Variants in LRRFIP1 observed in about 807,000 individuals in gnomAD.
The protein encoded by LRRFIP1 is leucine-rich repeat flightless-interacting protein 1.
In LRRFIP1, 62 loss-of-function variants were observed where a neutral mutation model predicts 104.4. The observed-to-expected ratio is 0.59, with a 90% confidence interval of 0.48 to 0.73. The LOEUF (loss-of-function observed/expected upper bound fraction) is 0.73, where lower values mean the gene tolerates loss of function less well. Among genes scored for constraint, LRRFIP1 ranks in the 30% least tolerant of loss-of-function variants. The pLI is 0.00. For synonymous variants in LRRFIP1, 300 were observed against 299.0 expected (o/e 1.00, Z -0.03); for missense variants, 796 against 824.5 (o/e 0.97, Z 0.42).
chr2:237,704,206 G>A (rs2093691144), intron 1 of LRRFIP1, among the ~76,000 whole-genome samples: 2 of 148,148 alleles, frequency 1.3e-5, no homozygotes, highest in South Asian at 2.1e-4. Flanking sequence ...AGGCTGGAGT[G>A]CAGTGGTGCA....
intron 11 of LRRFIP1, among the ~76,000 whole-genome samples, chr2:237,743,628 C>G (rs899934713): frequency 2.0e-5 from 3 of 152,216 alleles, no homozygotes; most frequent in African/African-American, 7.2e-5. Context: ...TTATTGAGCA[C>G]CTAGAATGTT....
At chr2:237,763,381 C>A (rs2060058955) in intron 19 of LRRFIP1, 2 of 1,613,882 alleles carry the variant, frequency 1.2e-6, no homozygotes, top group African/African-American at 1.3e-5. Flanking sequence ...AAAAGAGTGA[C>A]CAACAGGGAG....
rs551463123 is a variant in LRRFIP1, at chr2:237,753,410, A to G, written c.969A>G (p.Leu323=). ...ACTTCATGTACCAGGTTGATACCCT[A>G]AAAGATATGTTGCTGGAGCTTGAAG... ...KTNFMYQVDT[L]KDMLLELEEQ... Residue 323 remains leucine, a synonymous_variant, in exon 15 of 24, where the codon CTA becomes CTG. Transcript: ENST00000308482. 2.1e-4 allele frequency: 340 copies of G among 1,604,960 alleles called. 1 individual carries two copies. In the South Asian group the frequency reaches 3.6e-3, roughly 17 times the overall value.
intron 1 of LRRFIP1, among the ~76,000 whole-genome samples, chr2:237,636,343 CTTTCT>C (rs2083108692): frequency 1.4e-5 from 2 of 140,292 alleles, no homozygotes; most frequent in African/African-American, 5.5e-5. Flanking sequence ...TTTCATTTTC[CTTTCT>C]TTTCTTTTTT....
intron 8 of LRRFIP1, among the ~76,000 whole-genome samples, chr2:237,729,254 C>G (rs1308047956): frequency 6.6e-6 from 1 of 152,184 alleles, no homozygotes; most frequent in Non-Finnish European, 1.5e-5. Flanking sequence ...AATGTATACT[C>G]AAGACACGTA....
chr2:237,748,337 T>C (rs769560364), intron 11 of LRRFIP1, 27 bp from the exon 12 acceptor site: 1 of 1,533,652 alleles, frequency 6.5e-7, no homozygotes, highest in South Asian at 1.1e-5. Context: ...TTAAAGTATT[T>C]AATATTTTGT....
intron 1 of LRRFIP1, among the ~76,000 whole-genome samples, chr2:237,633,582 T>G (rs1212128580): frequency 2.0e-5 from 3 of 152,098 alleles, no homozygotes; most frequent in Admixed American, 1.3e-4. Flanking sequence ...CCGTCCCCAG[T>G]GAGTGTGAGA....
At chr2:237,767,134 C>G (rs2060295021) in intron 19 of LRRFIP1, among the ~76,000 whole-genome samples, 1 of 152,046 alleles carries the variant, frequency 6.6e-6, no homozygotes. Context: ...TGTGCTCACA[C>G]CACTGCATTC....
chr2:237,668,249 A>G (rs997801504), intron 1 of LRRFIP1, among the ~76,000 whole-genome samples: 2 of 151,860 alleles, frequency 1.3e-5, no homozygotes, highest in African/African-American at 4.8e-5. Flanking sequence ...GATTGGCCCC[A>G]CCACACCTGC....
At chr2:237,673,872 G>A (rs930328751) in intron 1 of LRRFIP1, among the ~76,000 whole-genome samples, 12 of 152,218 alleles carry the variant, frequency 7.9e-5, no homozygotes, top group African/African-American at 2.9e-4. Flanking sequence ...AGCGCCAGCA[G>A]CTGGCAGTGA....
Position 237,691,375 on chromosome 2 carries a change from G to C in LRRFIP1, c.97-17169G>C, listed in dbSNP as rs78731392. 0.12 allele frequency among the ~76,000 whole-genome samples: 17,674 copies of C among 152,182 alleles called. 3,171 individuals carry two copies. The highest frequency in any genetic ancestry group is 0.39 in the African/African-American group (16,005 of 41,460). On this transcript the variant is annotated intron_variant, in intron 1 of 23. Transcript: ENST00000308482. The surrounding 1 kb of genome is among the most constrained non-coding windows in gnomAD (Gnocchi z 5.4). Reference sequence around the variant, plus strand: ...GGAGACCGGCGCCTGGCAGGGGGTCGTCGCGGCCGCAGCCTGGACGGTGTG... The same window carrying C: ...GGAGACCGGCGCCTGGCAGGGGGTCCTCGCGGCCGCAGCCTGGACGGTGTG...
At chr2:237,642,889 A>G (rs1271911989) in intron 1 of LRRFIP1, among the ~76,000 whole-genome samples, 1 of 152,176 alleles carries the variant, frequency 6.6e-6, no homozygotes, top group Non-Finnish European at 1.5e-5. Context: ...GTCTGGACTC[A>G]TACACCAGCT....
chr2:237,653,808 A>C (rs1307288468), intron 1 of LRRFIP1, among the ~76,000 whole-genome samples: 1 of 152,236 alleles, frequency 6.6e-6, no homozygotes. Flanking sequence ...CACCTGCAGA[A>C]GAATGAAATT....
chr2:237,691,794 C>G lies in LRRFIP1; in HGVS notation c.97-16750C>G, dbSNP rs2092779478. Among the ~76,000 whole-genome samples, 1 of 152,146 alleles carries G rather than the reference C, an allele frequency of 6.6e-6. No homozygotes were observed. The highest frequency in any genetic ancestry group is 6.5e-5 in the Admixed American group (1 of 15,282). ...CCTGCGGGTGGAGCTGCGGCCGGAGCCTGAGGGGTCTTTTCCTCCAGGTCC... is the reference window on the plus strand; with the variant it reads ...CCTGCGGGTGGAGCTGCGGCCGGAGGCTGAGGGGTCTTTTCCTCCAGGTCC... On this transcript the variant is annotated intron_variant, in intron 1 of 23. Coordinates refer to ENST00000308482, the MANE Select transcript of LRRFIP1 (RefSeq NM_001137550.2). The surrounding 1 kb of genome is among the most constrained non-coding windows in gnomAD (Gnocchi z 5.4).
At chr2:237,756,964 G>A (rs1477706246) in intron 16 of LRRFIP1, among the ~76,000 whole-genome samples, 1 of 151,610 alleles carries the variant, frequency 6.6e-6, no homozygotes, top group Middle Eastern at 3.2e-3. Flanking sequence ...AGGTTGGAGC[G>A]ATGCGAGAGA....
chr2:237,729,911 T>A, intron 8 of LRRFIP1: 1 of 730,586 alleles, frequency 1.4e-6, no homozygotes, highest in Non-Finnish European at 1.7e-6. Flanking sequence ...CAATCTTGTG[T>A]GTGTGGATTC....
At chr2:237,688,646 A>G (rs2092561403) in intron 1 of LRRFIP1, among the ~76,000 whole-genome samples, 1 of 151,682 alleles carries the variant, frequency 6.6e-6, no homozygotes, top group Admixed American at 6.6e-5. Context: ...TTTAGTAGAG[A>G]TGGGGTTTTG....
At chr2:237,681,075 G>A (rs950104686) in intron 1 of LRRFIP1, among the ~76,000 whole-genome samples, 5 of 152,106 alleles carry the variant, frequency 3.3e-5, no homozygotes, top group African/African-American at 1.2e-4. Context: ...AGAAATTTTT[G>A]AAAAAACATA....
chr2:237,646,647 C>T (rs190427837), intron 1 of LRRFIP1, among the ~76,000 whole-genome samples: 242 of 152,002 alleles, frequency 1.6e-3, no homozygotes, highest in African/African-American at 5.4e-3. Context: ...AAGGGTGGGG[C>T]CCTGATCCAA....
Sources: allele counts gnomAD v4.1 joint callset (sites outside exome capture counted in the v4.1 genomes callset), GRCh38; gene constraint gnomAD v4.1.1; non-coding constraint Gnocchi (gnomAD v3.1); transcripts MANE v1.5; gene names NCBI Gene and HGNC (gene_info 2026-07-23, HGNC 2026-07-21).